The following HMCN1 variants were observed in gnomAD, a reference collection of about 807,000 sequenced individuals.
The protein encoded by HMCN1 is hemicentin 1.
Under a neutral mutation model 625.9 loss-of-function variants are expected in HMCN1, and 321 were observed. The observed-to-expected ratio is 0.51, with a 90% CI of 0.47 to 0.56. HMCN1 has a LOEUF of 0.56. HMCN1 is among the 20% of genes least tolerant of loss of function. HMCN1 has a pLI of 0.00. For missense variants in HMCN1, 6,588 were observed against 6,887.3 expected, an observed-to-expected ratio of 0.96 and a Z score of 1.54; for synonymous variants, 2,425 against 2,417.6, an observed-to-expected ratio of 1.00 and a Z score of -0.09.
chr1:185,883,879 ATTTTT>A (rs1205211897), intron 4 of HMCN1, among the ~76,000 whole-genome samples: 948 of 55,890 alleles, frequency 0.017, 4 homozygotes, highest in African/African-American at 0.054. Context: ...ATAGGTCATG[ATTTTT>A]TTTTTTTTTT....
At chr1:186,015,739 A>C (rs1245128499) in intron 31 of HMCN1, among the ~76,000 whole-genome samples, 1 of 152,134 alleles carries the variant, frequency 6.6e-6, no homozygotes, top group Non-Finnish European at 1.5e-5. Flanking sequence ...TTTGTCCTTT[A>C]TAAGCCAGAA....
intron 30 of HMCN1, among the ~76,000 whole-genome samples, chr1:186,013,942 C>G (rs1654168820): frequency 6.6e-6 from 1 of 152,118 alleles, no homozygotes; most frequent in Non-Finnish European, 1.5e-5. Flanking sequence ...AGTCCCCACT[C>G]ATAGAAGTAG....
chr1:186,108,325 G>T, intron 70 of HMCN1, 136 bp from the exon 71 acceptor site: 3 of 1,363,530 alleles, frequency 2.2e-6, no homozygotes, highest in African/African-American at 1.5e-5. Context: ...CCCACTGTTT[G>T]TAATTATCTA....
chr1:186,189,385 C>T, intron 106 of HMCN1, 127 bp from the exon 107 acceptor site: 1 of 940,668 alleles, frequency 1.1e-6, no homozygotes, highest in Non-Finnish European at 1.7e-6. Context: ...CTGAGTCTTA[C>T]CGCTTTTACA....
At position 186,068,021 on chromosome 1, in the gene HMCN1, T is replaced by A. The variant is rs776877853; in HGVS notation, c.7879+14T>A. On this transcript the variant is annotated intron_variant, in intron 50 of 106. Coordinates refer to ENST00000271588, the MANE Select transcript of HMCN1 (RefSeq NM_031935.3). ...GTATTCTTCCAGGTAATTCATTTGCTTCAGATGTCCAAGATGCATCTGCGT... is the reference window on the plus strand; with the variant it reads ...GTATTCTTCCAGGTAATTCATTTGCATCAGATGTCCAAGATGCATCTGCGT... The A allele has an allele frequency of 1.2e-6, 2 of 1,607,546 alleles. No homozygotes were observed. Among genetic ancestry groups the A allele is most frequent in the Non-Finnish European group, 1.7e-6 (2 of 1,174,354 alleles).
At chr1:185,815,196 C>T (rs908422022) in intron 1 of HMCN1, among the ~76,000 whole-genome samples, 1 of 150,116 alleles carries the variant, frequency 6.7e-6, no homozygotes, top group African/African-American at 2.5e-5. Flanking sequence ...GAACCATATC[C>T]TGAGAATGAT....
intron 70 of HMCN1, among the ~76,000 whole-genome samples, chr1:186,107,332 A>G (rs894595186): frequency 3.9e-5 from 6 of 152,300 alleles, no homozygotes; most frequent in African/African-American, 1.2e-4. Context: ...GGGGCAGTTC[A>G]TGGATTGTTT....
chr1:185,769,647 A>G lies in HMCN1; in HGVS notation c.268+34600A>G, dbSNP rs186282350. On this transcript the variant is annotated intron_variant, in intron 1 of 106. Transcript: ENST00000271588. Reference sequence around the variant, plus strand: ...TCCAAAACTTAAATGGTGGTTTTTTAAGACAACCACCATTTCATATGGCTC... The same window carrying G: ...TCCAAAACTTAAATGGTGGTTTTTTGAGACAACCACCATTTCATATGGCTC... Among the ~76,000 whole-genome samples, 114 of 152,260 alleles carry G rather than the reference A, an allele frequency of 7.5e-4. 1 individual carries two copies. Among genetic ancestry groups the G allele is most frequent in the South Asian group, 4.1e-4 (2 of 4,822 alleles).
intron 68 of HMCN1, among the ~76,000 whole-genome samples, chr1:186,098,172 G>T (rs1219803458): frequency 6.6e-6 from 1 of 151,784 alleles, no homozygotes; most frequent in Non-Finnish European, 1.5e-5. Flanking sequence ...GAACTCAAAA[G>T]CATGGGCAAC....
intron 1 of HMCN1, among the ~76,000 whole-genome samples, chr1:185,776,501 G>A (rs1018514378): frequency 4.4e-4 from 66 of 151,186 alleles, no homozygotes; most frequent in African/African-American, 1.5e-3. Context: ...AATGAAAATA[G>A]CCATATTGTA....
intron 1 of HMCN1, among the ~76,000 whole-genome samples, chr1:185,835,876 T>C (rs1468820068): frequency 1.3e-5 from 2 of 152,110 alleles, no homozygotes; most frequent in Non-Finnish European, 2.9e-5. Flanking sequence ...TAGATTTCAG[T>C]GTTAGAAGTC....
At position 185,815,442 on chromosome 1, in the gene HMCN1, G is replaced by A. The variant is rs116562943; in HGVS notation, c.269-30584G>A. Reference sequence around the variant, plus strand: ...CTTAGGATTCTTATAAGTGGCTACCGTATTTTCTCATCCATGCTGCCTATA... The same window carrying A: ...CTTAGGATTCTTATAAGTGGCTACCATATTTTCTCATCCATGCTGCCTATA... On this transcript the variant is annotated intron_variant, in intron 1 of 106. Transcript: ENST00000271588. 9.7e-3 allele frequency among the ~76,000 whole-genome samples: 1,461 copies of A among 150,104 alleles called. 167 individuals carry two copies. Among genetic ancestry groups the A allele is most frequent in the African/African-American group, 0.035 (1,389 of 39,554 alleles).
intron 91 of HMCN1, among the ~76,000 whole-genome samples, 180 bp downstream of exon 91, chr1:186,144,883 C>A (rs1438108130): frequency 2.0e-5 from 3 of 152,202 alleles, no homozygotes; most frequent in Admixed American, 6.5e-5. Context: ...TTCATAGGGG[C>A]AGGAGCTGTG....
Position 186,145,476 on chromosome 1 carries a change from G to A in HMCN1, c.14340G>A (p.Arg4780=). 6.2e-7 allele frequency: 1 copy of A among 1,613,316 alleles called. No homozygotes were observed. The highest frequency in any genetic ancestry group is 8.5e-7 in the Non-Finnish European group (1 of 1,179,572). The part of the protein sequence containing the change: ...SRTCNGGQMR[R]YRTCDNPPPS... ...CGTGTAACGGAGGGCAGATGCGGCG[G>A]TACCGCACATGTGATAACCCTCCTC... is the stretch of plus-strand genomic sequence containing the variant. The change falls in exon 92 of 107, where the codon CGG becomes CGA. Residue 4780 remains arginine, a synonymous_variant. Coordinates refer to ENST00000271588, the MANE Select transcript of HMCN1 (RefSeq NM_031935.3).
intron 1 of HMCN1, among the ~76,000 whole-genome samples, chr1:185,811,327 T>C (rs1389173429): frequency 1.3e-5 from 2 of 152,092 alleles, no homozygotes; most frequent in African/African-American, 2.4e-5. Flanking sequence ...TATAGGGCCA[T>C]GATATGTACT....
intron 1 of HMCN1, among the ~76,000 whole-genome samples, chr1:185,840,248 G>A (rs1365271326): frequency 1.3e-5 from 2 of 152,104 alleles, no homozygotes; most frequent in African/African-American, 4.8e-5. Context: ...CTGATTTTTT[G>A]CAGTATCCTA....
chr1:186,061,746 A>G (rs546155259), intron 46 of HMCN1, 105 bp from the exon 47 acceptor site: 2 of 682,716 alleles, frequency 2.9e-6, no homozygotes, highest in South Asian at 1.8e-5. Flanking sequence ...AGGGCCTCTA[A>G]AGCATACTGA....
At chr1:186,124,897 A>G (rs1220039402) in intron 81 of HMCN1, among the ~76,000 whole-genome samples, 3 of 152,070 alleles carry the variant, frequency 2.0e-5, no homozygotes, top group Admixed American at 6.6e-5. Flanking sequence ...AGAAGTAACT[A>G]TCTTAGTTCT....
intron 63 of HMCN1, among the ~76,000 whole-genome samples, chr1:186,090,026 G>A (rs1039914088): frequency 1.5e-4 from 23 of 151,856 alleles, no homozygotes; most frequent in Admixed American, 2.6e-4. Context: ...CTACCAAAGG[G>A]ATGTTACTGA....
Sources: gnomAD v4.1 joint callset for allele counts (sites outside exome capture counted in the v4.1 genomes callset) on GRCh38, gnomAD v4.1.1 for gene constraint, MANE v1.5 for transcripts, NCBI Gene and HGNC (gene_info 2026-07-23, HGNC 2026-07-21) for gene names.